Variants in VEZT observed in about 807,000 individuals in gnomAD.
VEZT encodes the protein vezatin, adherens junctions transmembrane protein.
A neutral mutation model predicts 79.9 loss-of-function variants in VEZT; 39 were observed. The ratio of observed to expected loss-of-function variants is 0.49; its 90% CI spans 0.38 to 0.64. The LOEUF is 0.64. Ranked by LOEUF, VEZT falls within the 30% of genes least tolerant of loss-of-function variation. The pLI is 0.00. For missense variants in VEZT, 837 were observed against 893.1 expected (o/e 0.94, Z 0.80); for synonymous variants, 325 against 327.6 (o/e 0.99, Z 0.09).
At chr12:95,285,383 GC>G (rs2070465050) in intron 8 of VEZT, among the ~76,000 whole-genome samples, 1 of 150,934 alleles carries the variant, frequency 6.6e-6, no homozygotes, top group African/African-American at 2.4e-5. Flanking sequence ...GGTTGAGGTT[GC>G]AGTGAGCCGA....
Position 95,287,847 on chromosome 12 carries a change from A to G in VEZT, c.1512A>G (p.Thr504=), listed in dbSNP as rs1051431219. The change falls in exon 9 of 12, where the codon ACA becomes ACG. Residue 504 remains threonine (T), a synonymous_variant. Coordinates refer to ENST00000436874, the MANE Select transcript of VEZT (RefSeq NM_017599.4). Reference sequence around the variant, plus strand: ...TCGACAAACTGCTACGAAGAAATACAGATAAAAAAGGTACCTGTGAGAGAT... The same window carrying G: ...TCGACAAACTGCTACGAAGAAATACGGATAAAAAAGGTACCTGTGAGAGAT... ...SQVDKLLRRN[T]DKKGKPEIAC... is the part of the protein sequence containing the mutation. 3.8e-6 allele frequency: 6 copies of G among 1,592,008 alleles called. No individual in the cohort carries two copies. The African/African-American group carries it at 6.7e-5, about 18-fold the overall frequency.
chr12:95,235,536 G>C (rs547182794), intron 1 of VEZT, among the ~76,000 whole-genome samples: 8 of 142,620 alleles, frequency 5.6e-5, no homozygotes, highest in African/African-American at 2.1e-4. Flanking sequence ...CTGGCCGGGC[G>C]GGGGGCTGAC....
At chr12:95,231,045 CT>C (rs2059208327) in intron 1 of VEZT, among the ~76,000 whole-genome samples, 2 of 152,054 alleles carry the variant, frequency 1.3e-5, no homozygotes, top group Admixed American at 1.3e-4. Context: ...ACTTGAGTAT[CT>C]TTGTACTGTT....
intron 8 of VEZT, chr12:95,286,988 G>A (rs56347544): frequency 0.1 from 15,809 of 150,992 alleles, 1,158 homozygotes; most frequent in Non-Finnish European, 0.15. Context: ...AGGGGAAGTG[G>A]GGGTGGGGTG....
At chr12:95,246,213 C>T (rs1034522703) in intron 1 of VEZT, among the ~76,000 whole-genome samples, 15 of 152,012 alleles carry the variant, frequency 9.9e-5, no homozygotes, top group Admixed American at 2.6e-4. Flanking sequence ...ACCTCCACCT[C>T]CTGGGTTCAA....
At chr12:95,256,082 G>T (rs190903460) in intron 2 of VEZT, among the ~76,000 whole-genome samples, 1 of 150,822 alleles carries the variant, frequency 6.6e-6, no homozygotes, top group Admixed American at 6.6e-5. Context: ...ATGCAGTTTC[G>T]CTCTTGTCAC....
At chr12:95,224,050 A>G in intron 1 of VEZT, 2 of 354,636 alleles carry the variant, frequency 5.6e-6, no homozygotes, top group South Asian at 4.4e-5. Flanking sequence ...TTAATACCCA[A>G]GTATATAGTT....
chr12:95,249,726 A>G (rs999229872), intron 1 of VEZT, among the ~76,000 whole-genome samples: 33 of 152,126 alleles, frequency 2.2e-4, no homozygotes, highest in Admixed American at 5.9e-4. Flanking sequence ...ATAGTATCCA[A>G]ATACTTTCCT....
chr12:95,282,907 T>C (rs2069559837), intron 8 of VEZT, among the ~76,000 whole-genome samples: 1 of 152,220 alleles, frequency 6.6e-6, no homozygotes, highest in Non-Finnish European at 1.5e-5. Flanking sequence ...GCAGGTGTTG[T>C]TCATTCTCTT....
rs1164336021 is a variant in VEZT, at chr12:95,301,167, A to G, written c.*494A>G. 6.5e-6 allele frequency: 1 copy of G among 152,682 alleles called. No individual in the cohort carries two copies. Among genetic ancestry groups the G allele is most frequent in the Non-Finnish European group, 1.5e-5 (1 of 68,436 alleles). 9.5% of individuals were successfully genotyped at this position (152,682 alleles called of 1,614,324 possible). A position where few individuals can be genotyped will look rare whatever the true frequency, so the allele number is the denominator to read the frequency against. Reference sequence around the variant, plus strand: ...AGGTTCTGAATAAAAAAATTAATTGATACAATTGATGTGTGCTGGGGTTTG... The same window carrying G: ...AGGTTCTGAATAAAAAAATTAATTGGTACAATTGATGTGTGCTGGGGTTTG... On this transcript the variant is annotated 3_prime_UTR_variant, in exon 12 of 12. Transcript: ENST00000436874.
chr12:95,250,080 T>A (rs1051517547), intron 1 of VEZT, among the ~76,000 whole-genome samples: 2 of 150,552 alleles, frequency 1.3e-5, no homozygotes, highest in Non-Finnish European at 1.5e-5. Context: ...TAATTATTAT[T>A]ATACTTTAAG....
chr12:95,249,110 C>T (rs1593385823), intron 1 of VEZT, among the ~76,000 whole-genome samples: 1 of 152,148 alleles, frequency 6.6e-6, no homozygotes, highest in African/African-American at 2.4e-5. Context: ...TTTCTCACTA[C>T]AGCAGCAAAC....
intron 8 of VEZT, among the ~76,000 whole-genome samples, chr12:95,285,060 T>C (rs2070297389): frequency 8.1e-6 from 1 of 123,996 alleles, no homozygotes; most frequent in African/African-American, 3.3e-5. Flanking sequence ...CACTCCAGCC[T>C]GGGTGACAGA....
At chr12:95,241,366 A>G (rs2060990021) in intron 1 of VEZT, among the ~76,000 whole-genome samples, 1 of 151,908 alleles carries the variant, frequency 6.6e-6, no homozygotes, top group Admixed American at 6.6e-5. Context: ...TTTTGAGACG[A>G]GTCTTGCATG....
intron 1 of VEZT, among the ~76,000 whole-genome samples, chr12:95,236,784 A>G (rs549129482): frequency 1.8e-4 from 27 of 152,114 alleles, no homozygotes; most frequent in Non-Finnish European, 3.8e-4. Context: ...ACGGGGTTTC[A>G]CTACATTGGC....
chr12:95,230,793 C>T (rs2059172588), intron 1 of VEZT, among the ~76,000 whole-genome samples: 1 of 152,046 alleles, frequency 6.6e-6, no homozygotes, highest in South Asian at 2.1e-4. Context: ...ATTTAAGTGA[C>T]CGATGTGTGC....
At position 95,240,021 on chromosome 12, in the gene VEZT, A is replaced by AAGGAAGG. The variant is rs2060748690; in HGVS notation, c.37-11918_37-11917insGGAAGGA. ...GAGACAGAGAGAGAAAGAGAGAAAGAAAGGAAGGAAGGAAGGAAGGAAGGA... is the reference window on the plus strand; with the variant it reads ...GAGACAGAGAGAGAAAGAGAGAAAGAAGGAAGGAAGGAAGGAAGGAAGGAAGGAAGGA... On this transcript the variant is annotated intron_variant, in intron 1 of 11. Transcript: ENST00000436874. 1.4e-4 allele frequency among the ~76,000 whole-genome samples: 11 copies of AAGGAAGG among 81,464 alleles called. No homozygotes were observed. In the East Asian group the frequency reaches 1.5e-3, roughly 11 times the overall value. 53.4% of individuals were successfully genotyped at this position (81,464 alleles called of 152,430 possible).
At chr12:95,228,906 G>GT (rs2058858227) in intron 1 of VEZT, among the ~76,000 whole-genome samples, 1 of 152,150 alleles carries the variant, frequency 6.6e-6, no homozygotes, top group South Asian at 2.1e-4. Flanking sequence ...CGGGGCTGAG[G>GT]TGGGAGGATT....
intron 1 of VEZT, among the ~76,000 whole-genome samples, chr12:95,235,572 C>T (rs1384591007): frequency 4.4e-5 from 6 of 134,960 alleles, no homozygotes; most frequent in South Asian, 2.5e-4. Flanking sequence ...CCGGACGGGG[C>T]GGCTGGCCGG....
Sources: gnomAD v4.1 joint callset for allele counts (sites outside exome capture counted in the v4.1 genomes callset) on GRCh38, gnomAD v4.1.1 for gene constraint, MANE v1.5 for transcripts, NCBI Gene and HGNC (gene_info 2026-07-23, HGNC 2026-07-21) for gene names.